The following SLC16A12 variants were observed in gnomAD, a reference collection of about 807,000 sequenced individuals.
SLC16A12 encodes the protein monocarboxylate transporter 12.
Under a neutral mutation model 42.4 loss-of-function variants are expected in SLC16A12, and 17 were observed. The observed-to-expected ratio is 0.40, with a 90% CI of 0.27 to 0.60. The LOEUF (loss-of-function observed/expected upper bound fraction) is 0.60. Ranked by LOEUF, SLC16A12 falls within the 20% of genes least tolerant of loss-of-function variation. SLC16A12 has a pLI of 0.42. For synonymous variants in SLC16A12, 224 were observed against 229.4 expected (o/e 0.98, Z 0.21); for missense variants, 544 against 623.0 (o/e 0.87, Z 1.35).
At chr10:89,553,274 A>C (rs561827212) in intron 2 of SLC16A12, among the ~76,000 whole-genome samples, 5 of 152,272 alleles carry the variant, frequency 3.3e-5, no homozygotes, top group Admixed American at 2.6e-4. Flanking sequence ...ATAGTTACTT[A>C]TTCACCTTTG....
At chr10:89,517,690 A>G (rs959593636) in intron 2 of SLC16A12, among the ~76,000 whole-genome samples, 1 of 152,142 alleles carries the variant, frequency 6.6e-6, no homozygotes, top group African/African-American at 2.4e-5. Context: ...AAATAATGAA[A>G]CAGGGGCGGT....
intron 2 of SLC16A12, among the ~76,000 whole-genome samples, chr10:89,471,644 C>A (rs1367911885): frequency 6.6e-6 from 1 of 152,152 alleles, no homozygotes; most frequent in African/African-American, 2.4e-5. Flanking sequence ...CTTGAGTAAA[C>A]CCCTAGGAAA....
At chr10:89,488,731 C>T (rs1371253008) in intron 2 of SLC16A12, among the ~76,000 whole-genome samples, 1 of 152,168 alleles carries the variant, frequency 6.6e-6, no homozygotes, top group Non-Finnish European at 1.5e-5. Context: ...AAGGACCAAC[C>T]CCTAACCTTG....
chr10:89,489,675 T>C (rs191890185), intron 2 of SLC16A12, among the ~76,000 whole-genome samples: 1 of 152,352 alleles, frequency 6.6e-6, no homozygotes, highest in Admixed American at 6.5e-5. Flanking sequence ...TCTTAAAAAC[T>C]GTGAACTATG....
At chr10:89,442,262 C>T (rs1841924812) in intron 4 of SLC16A12, among the ~76,000 whole-genome samples, 1 of 152,202 alleles carries the variant, frequency 6.6e-6, no homozygotes, top group African/African-American at 2.4e-5. Flanking sequence ...CTCATCCATA[C>T]TCTGAACTTT....
intron 2 of SLC16A12, among the ~76,000 whole-genome samples, chr10:89,549,502 A>G (rs1276626641): frequency 6.6e-6 from 1 of 152,244 alleles, no homozygotes; most frequent in East Asian, 1.9e-4. Context: ...CTAGCAATAT[A>G]AATAATAGGC....
intron 3 of SLC16A12, among the ~76,000 whole-genome samples, chr10:89,451,552 C>T (rs966615637): frequency 6.6e-6 from 1 of 152,098 alleles, no homozygotes; most frequent in Non-Finnish European, 1.5e-5. Flanking sequence ...GCTGGGATTA[C>T]AGGCGCCCGC....
At chr10:89,447,327 C>T (rs1842021137) in intron 3 of SLC16A12, among the ~76,000 whole-genome samples, 1 of 152,226 alleles carries the variant, frequency 6.6e-6, no homozygotes, top group Non-Finnish European at 1.5e-5. Context: ...CCACATCACA[C>T]TTATTCCAAA....
intron 2 of SLC16A12, among the ~76,000 whole-genome samples, chr10:89,533,887 C>T (rs1843600720): frequency 1.3e-5 from 2 of 151,630 alleles, no homozygotes; most frequent in South Asian, 4.2e-4. Flanking sequence ...TTAGGTGATG[C>T]TAGTCATATT....
chr10:89,477,134 GATAGAA>G (rs1842593825), intron 2 of SLC16A12, among the ~76,000 whole-genome samples: 1 of 152,190 alleles, frequency 6.6e-6, no homozygotes, highest in Admixed American at 6.5e-5. Flanking sequence ...TTCCTATCCT[GATAGAA>G]ATAGATATTG....
intron 2 of SLC16A12, among the ~76,000 whole-genome samples, chr10:89,490,102 G>A (rs1375618864): frequency 3.3e-5 from 5 of 152,304 alleles, no homozygotes; most frequent in African/African-American, 1.2e-4. Flanking sequence ...TATATGAAGA[G>A]GAATGTAAAA....
chr10:89,485,125 T>C (rs1842726195), intron 2 of SLC16A12, among the ~76,000 whole-genome samples: 2 of 152,194 alleles, frequency 1.3e-5, no homozygotes, highest in African/African-American at 4.8e-5. Context: ...GATCAGTCGT[T>C]GTCAACAATG....
chr10:89,456,596 A>G (rs143028838), intron 3 of SLC16A12, among the ~76,000 whole-genome samples: 1 of 152,064 alleles, frequency 6.6e-6, no homozygotes, highest in African/African-American at 2.4e-5. Context: ...CTGGTTTGTT[A>G]CATAGATAAA....
At chr10:89,436,039 G>A (rs1212798341) in intron 7 of SLC16A12, 21 bp downstream of exon 7, 3 of 1,613,244 alleles carry the variant, frequency 1.9e-6, no homozygotes, top group East Asian at 4.5e-5. Flanking sequence ...AGGTGGTTGG[G>A]GTTTCTCTCT....
Position 89,430,733 on chromosome 10 carries a change from A to G in SLC16A12, c.*2331T>C. On this transcript the variant is annotated 3_prime_UTR_variant, in exon 8 of 8. Transcript: ENST00000371790. ...ATGCATGTATAAAGTCAAATCTCCCAAATGTTTTTATACAAAATCTTTAAA... is the reference window on the plus strand; with the variant it reads ...ATGCATGTATAAAGTCAAATCTCCCGAATGTTTTTATACAAAATCTTTAAA... 1 of 462,826 alleles carries G rather than the reference A, an allele frequency of 2.2e-6. No individual in the cohort carries two copies. The highest frequency in any genetic ancestry group is 4.4e-6 in the Non-Finnish European group (1 of 224,944). The allele number at this position is 462,826 out of a possible 1,614,324, so 28.7% of individuals were successfully genotyped here. A position where few individuals can be genotyped will look rare whatever the true frequency, so the allele number is the denominator to read the frequency against.
intron 2 of SLC16A12, among the ~76,000 whole-genome samples, chr10:89,519,427 G>A (rs748918106): frequency 8.6e-5 from 13 of 152,044 alleles, no homozygotes; most frequent in South Asian, 2.1e-4. Context: ...CTCCCACTTC[G>A]TTTTCCACGT....
At chr10:89,480,258 G>A (rs60617956) in intron 2 of SLC16A12, among the ~76,000 whole-genome samples, 2,042 of 152,250 alleles carry the variant, frequency 0.013, 49 homozygotes, top group African/African-American at 0.046. Context: ...TTGGCATGAG[G>A]TCAGACATAT....
At chr10:89,545,489 T>C (rs980969597) in intron 2 of SLC16A12, among the ~76,000 whole-genome samples, 1 of 151,922 alleles carries the variant, frequency 6.6e-6, no homozygotes, top group Non-Finnish European at 1.5e-5. Flanking sequence ...GAGAATAAAA[T>C]ACCTAGGAAT....
chr10:89,535,837 C>G (rs1843649930), upstream of SLC16A12, among the ~76,000 whole-genome samples: 1 of 148,228 alleles, frequency 6.7e-6, no homozygotes, highest in East Asian at 2.0e-4. Flanking sequence ...GCGGAGGCGC[C>G]GGCGAGGCTG....
Sources: gnomAD v4.1 joint callset for allele counts (sites outside exome capture counted in the v4.1 genomes callset) on GRCh38, gnomAD v4.1.1 for gene constraint, MANE v1.5 for transcripts, NCBI Gene and HGNC (gene_info 2026-07-23, HGNC 2026-07-21) for gene names.